The following SORCS3 variants were observed in gnomAD, a reference collection of about 807,000 sequenced individuals.
SORCS3 encodes VPS10 domain-containing receptor SorCS3.
A neutral mutation model predicts 146.3 loss-of-function variants in SORCS3; 57 were observed. The ratio of observed to expected loss-of-function variants is 0.39; its 90% CI spans 0.31 to 0.49. The LOEUF is 0.49. SORCS3 is among the 20% of genes least tolerant of loss of function. The probability of loss-of-function intolerance (pLI) is 0.92; values close to 1 mark genes in which losing one functional copy is unlikely to be tolerated. For synonymous variants in SORCS3, 653 were observed against 618.5 expected (o/e 1.06, Z -0.83); for missense variants, 1,341 against 1,575.5 (o/e 0.85, Z 2.52).
chr10:104,915,982 C>A, intron 3 of SORCS3, 50 bp downstream of exon 3: 1 of 1,391,948 alleles, frequency 7.2e-7, no homozygotes, highest in Non-Finnish European at 1.0e-6. Context: ...GGTAGCTGTG[C>A]TGATTAGGGC....
At chr10:105,220,752 T>A (rs895881014) in intron 19 of SORCS3, among the ~76,000 whole-genome samples, 1 of 152,078 alleles carries the variant, frequency 6.6e-6, no homozygotes, top group Non-Finnish European at 1.5e-5. Flanking sequence ...CTCTTCCCCA[T>A]TGATGAATAA....
intron 14 of SORCS3, among the ~76,000 whole-genome samples, chr10:105,184,685 TATTTAATGTATAC>T (rs1360159835): frequency 1.3e-5 from 2 of 152,236 alleles, no homozygotes; most frequent in Non-Finnish European, 2.9e-5. Flanking sequence ...AAATTGCACA[TATTTAATGTATAC>T]ATTTTGATGA....
chr10:104,752,191 T>A (rs548102058), intron 1 of SORCS3, among the ~76,000 whole-genome samples: 1 of 151,180 alleles, frequency 6.6e-6, no homozygotes, highest in East Asian at 2.0e-4. Flanking sequence ...CCTGCCACCA[T>A]GCTGTCTATT....
intron 4 of SORCS3, among the ~76,000 whole-genome samples, chr10:104,990,384 A>G (rs2054986204): frequency 1.3e-5 from 2 of 152,090 alleles, no homozygotes. Context: ...TTCATCTCCC[A>G]AATAAACTAC....
At chr10:104,643,054 G>C (rs1420032500) in intron 1 of SORCS3, among the ~76,000 whole-genome samples, 1 of 152,202 alleles carries the variant, frequency 6.6e-6, no homozygotes, top group African/African-American at 2.4e-5. Context: ...TCCCTCCCGC[G>C]GTCCCTACTA....
intron 2 of SORCS3, among the ~76,000 whole-genome samples, chr10:104,852,744 GAA>G (rs1200815021): frequency 6.6e-6 from 1 of 152,162 alleles, no homozygotes; most frequent in Non-Finnish European, 1.5e-5. Context: ...CATTCATGCA[GAA>G]ATCCATAGTT....
intron 1 of SORCS3, among the ~76,000 whole-genome samples, chr10:104,677,722 C>A (rs1589454571): frequency 6.6e-6 from 1 of 152,138 alleles, no homozygotes; most frequent in African/African-American, 2.4e-5. Flanking sequence ...TGCCATTATC[C>A]TGTTGTTCTG....
At chr10:104,662,457 A>G (rs552604296) in intron 1 of SORCS3, among the ~76,000 whole-genome samples, 4 of 152,188 alleles carry the variant, frequency 2.6e-5, no homozygotes, top group South Asian at 4.1e-4. Context: ...TACCTGACCC[A>G]TGTCACAAAG....
chr10:104,975,024 C>T (rs2054886448), intron 3 of SORCS3, among the ~76,000 whole-genome samples: 1 of 152,042 alleles, frequency 6.6e-6, no homozygotes, highest in South Asian at 2.1e-4. Context: ...AATATTGGCC[C>T]CCACTCTCTT....
At chr10:105,161,903 G>A (rs913957179) in intron 11 of SORCS3, among the ~76,000 whole-genome samples, 25 of 151,974 alleles carry the variant, frequency 1.6e-4, no homozygotes, top group Admixed American at 1.0e-3. Context: ...GCCCCTTTCC[G>A]TGCCAGCTCC....
chr10:104,784,692 C>T (rs1404783715), intron 1 of SORCS3, among the ~76,000 whole-genome samples: 1 of 152,202 alleles, frequency 6.6e-6, no homozygotes, highest in Non-Finnish European at 1.5e-5. Flanking sequence ...CGTCTGGAAT[C>T]AAGGCTGACA....
intron 1 of SORCS3, among the ~76,000 whole-genome samples, chr10:104,761,619 G>T (rs1464059446): frequency 6.6e-6 from 1 of 152,160 alleles, no homozygotes; most frequent in East Asian, 1.9e-4. Context: ...ATCCTGAATG[G>T]ATATTGACAG....
At chr10:105,068,778 G>T (rs2055538037) in intron 5 of SORCS3, among the ~76,000 whole-genome samples, 1 of 152,100 alleles carries the variant, frequency 6.6e-6, no homozygotes, top group Admixed American at 6.5e-5. Context: ...GTAAAATGAT[G>T]TCATTCTTAC....
chr10:104,986,027 C>T (rs554636375), intron 4 of SORCS3, among the ~76,000 whole-genome samples: 1 of 152,142 alleles, frequency 6.6e-6, no homozygotes, highest in South Asian at 2.1e-4. Flanking sequence ...GTGAGTCTTC[C>T]GTCCTTTGAA....
chr10:104,969,541 T>G (rs1366650815), intron 3 of SORCS3, among the ~76,000 whole-genome samples: 1 of 152,140 alleles, frequency 6.6e-6, no homozygotes, highest in African/African-American at 2.4e-5. Context: ...AATATGTCAG[T>G]ATCTATCTCC....
chr10:104,720,111 T>A (rs2016528471), intron 1 of SORCS3, among the ~76,000 whole-genome samples: 1 of 152,148 alleles, frequency 6.6e-6, no homozygotes, highest in Non-Finnish European at 1.5e-5. Flanking sequence ...TATCTCCTAA[T>A]CCTATCCCTC....
In SORCS3 at chr10:104,726,778, C is replaced by A. The variant is rs140473008; in HGVS notation, c.627+84824C>A. On this transcript the variant is annotated intron_variant, in intron 1 of 26. Coordinates refer to ENST00000369701, the MANE Select transcript of SORCS3 (RefSeq NM_014978.3). Reference sequence around the variant, plus strand: ...AACTGCCCTATTCCCACTGAATGAGCCTTGCCTGCCCCATCTCCATTCCTC... The same window carrying A: ...AACTGCCCTATTCCCACTGAATGAGACTTGCCTGCCCCATCTCCATTCCTC... 3.9e-5 allele frequency among the ~76,000 whole-genome samples: 6 copies of A among 152,214 alleles called. No homozygotes were observed. The East Asian group carries it at 7.7e-4, about 20-fold the overall frequency.
intron 1 of SORCS3, among the ~76,000 whole-genome samples, chr10:104,716,482 T>A (rs1009206540): frequency 6.6e-6 from 1 of 151,494 alleles, no homozygotes; most frequent in African/African-American, 2.4e-5. Flanking sequence ...GGCTTCCTGA[T>A]GCCAATGCTC....
chr10:105,048,665 C>G (rs931693291), intron 5 of SORCS3, among the ~76,000 whole-genome samples: 1 of 151,548 alleles, frequency 6.6e-6, no homozygotes, highest in Non-Finnish European at 1.5e-5. Context: ...TGCACATGTA[C>G]CCTAAAACTT....
Sources: allele counts gnomAD v4.1 joint callset (sites outside exome capture counted in the v4.1 genomes callset), GRCh38; gene constraint gnomAD v4.1.1; transcripts MANE v1.5; gene names NCBI Gene and HGNC (gene_info 2026-07-23, HGNC 2026-07-21).